LPIN2: variants seen among roughly 807,000 people sequenced by gnomAD.
The protein encoded by LPIN2 is phosphatidate phosphatase LPIN2.
In LPIN2, 55 loss-of-function variants were observed where a neutral mutation model predicts 111.4. The ratio of observed to expected loss-of-function variants is 0.49; its 90% CI spans 0.40 to 0.62. The LOEUF (loss-of-function observed/expected upper bound fraction) is 0.62, where lower values mean the gene tolerates loss of function less well. Ranked by LOEUF, LPIN2 falls within the 20% of genes least tolerant of loss-of-function variation. LPIN2 has a pLI of 0.00. For synonymous variants in LPIN2, 425 were observed against 414.0 expected (o/e 1.03, Z -0.32); for missense variants, 992 against 1,112.1 (o/e 0.89, Z 1.54).
chr18:2,923,555 AAC>A lies in LPIN2; in HGVS notation c.2174+218_2174+219del, dbSNP rs533090312. Among the ~76,000 whole-genome samples the A allele has an allele frequency of 3.3e-3, 503 of 152,316 alleles. 6 individuals carry two copies. Among genetic ancestry groups the A allele is most frequent in the South Asian group, 7.9e-3 (38 of 4,826 alleles). On this transcript the variant is annotated intron_variant, in intron 16 of 19. Transcript: ENST00000677752. ...AGTTATAGATGTAGGTAGTGCCTGA[AAC>A]ACAGCACTGTGAGGATTAACTGAGA...
intron 1 of LPIN2, among the ~76,000 whole-genome samples, chr18:3,009,999 C>T (rs926251121): frequency 1.3e-5 from 2 of 152,042 alleles, no homozygotes; most frequent in East Asian, 3.8e-4. Flanking sequence ...GAGACAGATG[C>T]CCAACCCCAG....
chr18:2,951,740 A>G (rs1046493285), intron 3 of LPIN2, among the ~76,000 whole-genome samples: 3 of 152,246 alleles, frequency 2.0e-5, no homozygotes, highest in East Asian at 1.9e-4. Flanking sequence ...CACACAGAAC[A>G]TTCAGAACAG....
chr18:2,931,000 C>T (rs529656816), intron 9 of LPIN2, among the ~76,000 whole-genome samples: 16 of 152,236 alleles, frequency 1.1e-4, no homozygotes, highest in South Asian at 1.0e-3. Context: ...GAAAACAGGG[C>T]GGCCTGATAA....
At chr18:2,990,957 T>C in intron 1 of LPIN2, 1 of 566,998 alleles carries the variant, frequency 1.8e-6, no homozygotes, top group East Asian at 4.5e-5. Flanking sequence ...CAGTGGGACC[T>C]GCTCCTGGAA....
chr18:2,951,405 G>C (rs1269361715), intron 3 of LPIN2, 49 bp from the exon 4 acceptor site: 1 of 1,433,562 alleles, frequency 7.0e-7, no homozygotes, highest in East Asian at 2.3e-5. Context: ...ACTCGACAGT[G>C]AATTAAAGCA....
At chr18:2,939,454 T>G in intron 6 of LPIN2, 26 bp downstream of exon 6, 1 of 1,612,632 alleles carries the variant, frequency 6.2e-7, no homozygotes, top group South Asian at 1.1e-5. Context: ...TTAACACACT[T>G]TCCACAGGCA....
At chr18:2,981,786 CAG>C (rs2078115043) in intron 1 of LPIN2, among the ~76,000 whole-genome samples, 1 of 145,382 alleles carries the variant, frequency 6.9e-6, no homozygotes, top group African/African-American at 2.9e-5. Context: ...AAGCAAAAAG[CAG>C]AGTGTGATAA....
At chr18:2,924,025 G>A (rs186732184) in intron 15 of LPIN2, among the ~76,000 whole-genome samples, 164 bp from the exon 16 acceptor site, 3 of 152,318 alleles carry the variant, frequency 2.0e-5, no homozygotes, top group African/African-American at 4.8e-5. Flanking sequence ...CCATGCAAAC[G>A]CACCCACTGA....
chr18:3,008,585 T>C (rs1284365723), intron 1 of LPIN2, among the ~76,000 whole-genome samples: 1 of 152,226 alleles, frequency 6.6e-6, no homozygotes, highest in Non-Finnish European at 1.5e-5. Context: ...AATTACCAGT[T>C]CCAACTTTAA....
chr18:2,920,114 T>C lies in LPIN2; in HGVS notation c.*179A>G, dbSNP rs2077030218. 7 of 760,718 alleles carry C rather than the reference T, an allele frequency of 9.2e-6. No individual in the cohort carries two copies. Among genetic ancestry groups the C allele is most frequent in the African/African-American group, 1.7e-5 (1 of 58,176 alleles). The allele number at this position is 760,718 out of a possible 1,614,324, so 47.1% of individuals were successfully genotyped here. A position where few individuals can be genotyped will look rare whatever the true frequency, so the allele number is the denominator to read the frequency against. ...TCCCTTCTCCTTCCAGGAGCTGAGC[T>C]GCAGACCTGCCGAGCCTGAGCAGCT... On this transcript the variant is annotated 3_prime_UTR_variant, in exon 20 of 20. Coordinates refer to ENST00000677752, the MANE Select transcript of LPIN2 (RefSeq NM_001375808.2).
At chr18:2,985,860 T>C (rs1042588678) in intron 1 of LPIN2, among the ~76,000 whole-genome samples, 17 of 152,248 alleles carry the variant, frequency 1.1e-4, no homozygotes, top group African/African-American at 4.1e-4. Flanking sequence ...GCTCCTGGAT[T>C]ACCAATGAAG....
At chr18:2,987,409 G>C (rs1036165078) in intron 1 of LPIN2, among the ~76,000 whole-genome samples, 2 of 152,162 alleles carry the variant, frequency 1.3e-5, no homozygotes, top group Non-Finnish European at 2.9e-5. Flanking sequence ...AGCAAGAGTT[G>C]ATTATATCAT....
rs1410664853 is a variant in LPIN2 at position 2,917,395 on chromosome 18, A to G, written c.*2898T>C. On this transcript the variant is annotated 3_prime_UTR_variant, in exon 20 of 20. Coordinates refer to ENST00000677752, the MANE Select transcript of LPIN2 (RefSeq NM_001375808.2). The stretch of plus-strand genomic sequence containing the variant: ...GAAGTCTGTTTTTGCCAACTTGTAA[A>G]AAGTGAAAGAGCTGACTTCCTTGTT... The G allele has an allele frequency of 1.3e-5, 2 of 152,246 alleles. No individual in the cohort carries two copies. The highest frequency in any genetic ancestry group is 2.9e-5 in the Non-Finnish European group (2 of 68,046). The allele number at this position is 152,246 out of a possible 1,614,324, so 9.4% of individuals were successfully genotyped here.
In LPIN2 at chr18:2,920,002, A is replaced by G; in HGVS notation, c.*291T>C. 2.0e-6 allele frequency: 1 copy of G among 509,838 alleles called. No individual in the cohort carries two copies. Among genetic ancestry groups the G allele is most frequent in the Admixed American group, 3.2e-5 (1 of 31,262 alleles). The allele number at this position is 509,838 out of a possible 1,614,324, so 31.6% of individuals were successfully genotyped here. A position where few individuals can be genotyped will look rare whatever the true frequency, so the allele number is the denominator to read the frequency against. On this transcript the variant is annotated 3_prime_UTR_variant, in exon 20 of 20. Coordinates refer to ENST00000677752, the MANE Select transcript of LPIN2 (RefSeq NM_001375808.2). ...TTTTTTCTTCCTTTAAAATGATGCAATGGAAGGAGGCCCCAGCTCACAGCA... is the reference window on the plus strand; with the variant it reads ...TTTTTTCTTCCTTTAAAATGATGCAGTGGAAGGAGGCCCCAGCTCACAGCA...
At chr18:2,927,054 C>T (rs1249928957) in intron 12 of LPIN2, among the ~76,000 whole-genome samples, 1 of 152,208 alleles carries the variant, frequency 6.6e-6, no homozygotes, top group East Asian at 1.9e-4. Flanking sequence ...CATTTCAAGT[C>T]ACAAAACATA....
chr18:2,969,055 T>C (rs79511465), intron 1 of LPIN2, among the ~76,000 whole-genome samples: 2,097 of 152,276 alleles, frequency 0.014, 19 homozygotes, highest in Middle Eastern at 0.034. Context: ...GAACTTCCTA[T>C]CAAGGTTGAA....
intron 1 of LPIN2, among the ~76,000 whole-genome samples, chr18:2,989,372 G>C (rs965331962): frequency 4.6e-5 from 7 of 151,712 alleles, no homozygotes; most frequent in Admixed American, 1.3e-4. Flanking sequence ...AAATAAAATT[G>C]CAAAAATCAC....
intron 1 of LPIN2, among the ~76,000 whole-genome samples, chr18:3,012,865 G>A (rs1208304354): frequency 1.3e-5 from 2 of 151,708 alleles, no homozygotes; most frequent in African/African-American, 4.8e-5. Context: ...GGTAGGGGCC[G>A]CGTCTACGTG....
At chr18:2,982,093 CAA>C (rs1183436718) in intron 1 of LPIN2, among the ~76,000 whole-genome samples, 3 of 152,114 alleles carry the variant, frequency 2.0e-5, no homozygotes, top group African/African-American at 4.8e-5. Flanking sequence ...TATTTTGTAA[CAA>C]GAGAGAAAAC....
Sources: allele counts gnomAD v4.1 joint callset (sites outside exome capture counted in the v4.1 genomes callset), GRCh38; gene constraint gnomAD v4.1.1; transcripts MANE v1.5; gene names NCBI Gene and HGNC (gene_info 2026-07-23, HGNC 2026-07-21).